The following DCAF6 variants were observed in gnomAD, a reference collection of about 807,000 sequenced individuals.
The protein encoded by DCAF6 is DDB1- and CUL4-associated factor 6.
In DCAF6, 54 loss-of-function variants were observed where a neutral mutation model predicts 125.1. The ratio of observed to expected loss-of-function variants is 0.43; its 90% CI spans 0.35 to 0.54. The LOEUF is 0.54. Among genes scored for constraint, DCAF6 ranks in the 20% least tolerant of loss-of-function variants. The pLI is 0.01. For missense variants in DCAF6, 934 were observed against 1,161.7 expected (o/e 0.80, Z 2.85); for synonymous variants, 371 against 390.4 (o/e 0.95, Z 0.58).
chr1:168,026,978 T>C (rs570704400), intron 12 of DCAF6, among the ~76,000 whole-genome samples: 105 of 151,948 alleles, frequency 6.9e-4, no homozygotes, highest in Non-Finnish European at 1.3e-3. Flanking sequence ...ACAGGAATGA[T>C]GAGAGAAGTA....
At chr1:168,011,447 T>TCCA (rs1684274564) in intron 10 of DCAF6, among the ~76,000 whole-genome samples, 1 of 152,102 alleles carries the variant, frequency 6.6e-6, no homozygotes, top group Non-Finnish European at 1.5e-5. Flanking sequence ...TATGATGTGG[T>TCCA]CTGTGTGTGG....
chr1:168,065,771 G>A, intron 19 of DCAF6, 25 bp downstream of exon 19: 1 of 1,594,172 alleles, frequency 6.3e-7, no homozygotes, highest in Non-Finnish European at 8.6e-7. Context: ...CTAGGACGAG[G>A]GCTAGAAATT....
intron 7 of DCAF6, 96 bp from the exon 8 acceptor site, chr1:168,002,386 A>T: frequency 9.8e-7 from 1 of 1,021,798 alleles, no homozygotes; most frequent in Non-Finnish European, 1.5e-6. Flanking sequence ...CTCAAGAAGT[A>T]GGGAGATGGA....
chr1:167,913,417 T>C, the DCAF6 span, among the ~76,000 whole-genome samples: 2 of 152,358 alleles, frequency 1.3e-5, no homozygotes, highest in African/African-American at 4.8e-5. Flanking sequence ...AGGGAGATAC[T>C]CTGAACTTAA....
chr1:167,963,943 C>G (rs1676010718), intron 2 of DCAF6, among the ~76,000 whole-genome samples: 3 of 152,048 alleles, frequency 2.0e-5, no homozygotes. Context: ...CATCTTATAC[C>G]TTGTACTATT....
chr1:168,066,037 A>G (rs1692284718), intron 19 of DCAF6, among the ~76,000 whole-genome samples: 1 of 152,192 alleles, frequency 6.6e-6, no homozygotes, highest in East Asian at 1.9e-4. Context: ...ATCCAAATGG[A>G]ACATCCAGTC....
chr1:167,992,421 G>A (rs1410638048), intron 6 of DCAF6, among the ~76,000 whole-genome samples: 5 of 152,034 alleles, frequency 3.3e-5, no homozygotes, highest in South Asian at 4.2e-4. Context: ...CTTTCTTTTC[G>A]GAACTGTGAT....
chr1:168,002,700 T>G (rs117253811), intron 8 of DCAF6, 125 bp downstream of exon 8: 10 of 617,120 alleles, frequency 1.6e-5, no homozygotes, highest in South Asian at 2.9e-5. Flanking sequence ...GGTATACTTA[T>G]GCAAATATAT....
At chr1:168,027,528 T>C (rs1455773331) in intron 12 of DCAF6, among the ~76,000 whole-genome samples, 1 of 152,152 alleles carries the variant, frequency 6.6e-6, no homozygotes, top group Non-Finnish European at 1.5e-5. Context: ...TTCATACTTT[T>C]AACAAAACAC....
chr1:168,048,966 C>T (rs1028974831), intron 16 of DCAF6, among the ~76,000 whole-genome samples: 2 of 152,232 alleles, frequency 1.3e-5, no homozygotes, highest in East Asian at 3.9e-4. Context: ...TGGTAAAATG[C>T]CTCTACTGGC....
At chr1:167,887,996 A>G in the DCAF6 span, among the ~76,000 whole-genome samples, 2 of 152,300 alleles carry the variant, frequency 1.3e-5, no homozygotes, top group Admixed American at 1.3e-4. Flanking sequence ...ATTCATCTGC[A>G]TATGGATATC....
At chr1:167,893,450 T>C in the DCAF6 span, among the ~76,000 whole-genome samples, 1 of 152,188 alleles carries the variant, frequency 6.6e-6, no homozygotes, top group Non-Finnish European at 1.5e-5. Flanking sequence ...TGGTGGCTCA[T>C]GCCCATAATC....
the DCAF6 span, among the ~76,000 whole-genome samples, chr1:167,892,199 T>C: frequency 6.6e-6 from 1 of 152,192 alleles, no homozygotes; most frequent in Non-Finnish European, 1.5e-5. Flanking sequence ...CTTGAACTCC[T>C]GGGCTCAAGT....
chr1:168,064,157 T>C (rs1692029566), intron 18 of DCAF6, among the ~76,000 whole-genome samples: 2 of 150,302 alleles, frequency 1.3e-5, no homozygotes, highest in African/African-American at 4.9e-5. Context: ...CTATAAAATC[T>C]AAGTTGATTG....
At chr1:167,905,020 C>T in the DCAF6 span, 11 of 1,614,168 alleles carry the variant, frequency 6.8e-6, no homozygotes, top group South Asian at 6.6e-5. Context: ...ATCAGGACTC[C>T]GTCAAAATAA....
the DCAF6 span, chr1:167,880,278 G>T: frequency 5.6e-6 from 7 of 1,246,426 alleles, no homozygotes; most frequent in Middle Eastern, 1.9e-4. Context: ...TAATGTCTGG[G>T]TTGGGAAAGG....
the DCAF6 span, among the ~76,000 whole-genome samples, chr1:167,878,958 A>G: frequency 6.6e-6 from 1 of 152,240 alleles, no homozygotes; most frequent in Non-Finnish European, 1.5e-5. Context: ...AGAAGGTGTC[A>G]GTTGGTCTTC....
chr1:168,024,494 G>T (rs1434930248), intron 12 of DCAF6, among the ~76,000 whole-genome samples: 3 of 152,002 alleles, frequency 2.0e-5, no homozygotes, highest in Non-Finnish European at 4.4e-5. Flanking sequence ...AACTTCTTTT[G>T]TACTTCTGAT....
chr1:167,923,631 C>T, the DCAF6 span, among the ~76,000 whole-genome samples: 3 of 151,710 alleles, frequency 2.0e-5, no homozygotes, highest in African/African-American at 7.3e-5. Flanking sequence ...TGTAAATGTA[C>T]TTAACGCTAC....
Sources: gnomAD v4.1 joint callset for allele counts (sites outside exome capture counted in the v4.1 genomes callset) on GRCh38, gnomAD v4.1.1 for gene constraint, MANE v1.5 for transcripts, NCBI Gene and HGNC (gene_info 2026-07-23, HGNC 2026-07-21) for gene names.